DLGAP4: variants seen among roughly 807,000 people sequenced by gnomAD.
DLGAP4 encodes disks large-associated protein 4.
DLGAP4 carries 18 observed loss-of-function variants against 86.9 expected under a neutral mutation model. The ratio of observed to expected loss-of-function variants is 0.21; its 90% confidence interval spans 0.14 to 0.31. The LOEUF (loss-of-function observed/expected upper bound fraction) is 0.31, where lower values mean the gene tolerates loss of function less well. Among genes scored for constraint, DLGAP4 ranks in the 10% least tolerant of loss-of-function variants. The pLI, the probability that DLGAP4 is intolerant of heterozygous loss-of-function variation, is 1.00. For synonymous variants in DLGAP4, 548 were observed against 574.3 expected, an observed-to-expected ratio of 0.95 and a Z score of 0.65; for missense variants, 1,085 against 1,362.6, an observed-to-expected ratio of 0.80 and a Z score of 3.21.
At chr20:36,488,637 G>A (rs1363142028) in intron 7 of DLGAP4, among the ~76,000 whole-genome samples, 1 of 151,598 alleles carries the variant, frequency 6.6e-6, no homozygotes, top group Non-Finnish European at 1.5e-5. Flanking sequence ...GTGTGCAGTG[G>A]TGCAATCTTG....
At chr20:36,526,109 T>C (rs2037741016) in intron 12 of DLGAP4, 103 bp downstream of exon 12, 1 of 1,554,292 alleles carries the variant, frequency 6.4e-7, no homozygotes, top group Admixed American at 1.7e-5. Flanking sequence ...TCTCCGTGTG[T>C]CGTCTTTGAG....
chr20:36,526,210 G>A (rs898264850), intron 12 of DLGAP4: 1 of 700,302 alleles, frequency 1.4e-6, no homozygotes, highest in African/African-American at 1.8e-5. Context: ...TGCCCCTGAA[G>A]CATGTGTCCT....
chr20:36,446,637 C>T (rs2147577764), intron 6 of DLGAP4, 60 bp from the exon 7 acceptor site: 1 of 1,515,804 alleles, frequency 6.6e-7, no homozygotes, highest in Non-Finnish European at 8.9e-7. Context: ...CCACCAAGAA[C>T]CGCTCCCCCC....
Position 36,431,656 on chromosome 20 carries a change from G to T in DLGAP4, c.-62G>T, listed in dbSNP as rs2033132820. The T allele has an allele frequency of 2.7e-6, 4 of 1,505,034 alleles. No homozygotes were observed. The highest frequency in any genetic ancestry group is 1.4e-5 in the African/African-American group (1 of 71,262). The allele number at this position is 1,505,034 out of a possible 1,614,324, so 93.2% of individuals were successfully genotyped here. ...GTCTTCTCTCCCTAGGATAGCTGCC[G>T]CCCGGGAGAGGTGACCCGGGCGCCC... is the stretch of plus-strand genomic sequence containing the variant. On this transcript the variant is annotated 5_prime_UTR_variant, in exon 3 of 13. Coordinates refer to ENST00000339266, the MANE Select transcript of DLGAP4 (RefSeq NM_001365621.2). The surrounding 1 kb of genome is among the most constrained non-coding windows in gnomAD (Gnocchi z 5.1).
intron 7 of DLGAP4, among the ~76,000 whole-genome samples, chr20:36,454,587 C>T (rs1459185951): frequency 6.6e-6 from 1 of 152,208 alleles, no homozygotes; most frequent in African/African-American, 2.4e-5. Context: ...GTCACCCCTG[C>T]TCAGAAGGCT....
intron 7 of DLGAP4, among the ~76,000 whole-genome samples, chr20:36,472,533 A>T (rs2034716760): frequency 6.6e-6 from 1 of 150,550 alleles, no homozygotes; most frequent in South Asian, 2.1e-4. Flanking sequence ...TCACTAGCTT[A>T]GTTCCTCCCT....
At chr20:36,389,844 A>G (rs557173871) in intron 2 of DLGAP4, among the ~76,000 whole-genome samples, 4 of 152,350 alleles carry the variant, frequency 2.6e-5, no homozygotes, top group Non-Finnish European at 5.9e-5. Context: ...AGGTGTGTGC[A>G]GAGTATCCAT....
chr20:36,439,942 C>T (rs568822083), intron 5 of DLGAP4, 74 bp downstream of exon 5: 2 of 1,322,530 alleles, frequency 1.5e-6, no homozygotes, highest in African/African-American at 1.5e-5. Context: ...GACACACGCC[C>T]AGGCCCAGCC....
Position 36,496,712 on chromosome 20 carries a change from A to G in DLGAP4, c.1656A>G (p.Ser552=). ...TCTCTCATCCATCTGCAGGTTCATCATGCCTAGTGGCGTATAAGAAGACCC... is the reference window on the plus strand; with the variant it reads ...TCTCTCATCCATCTGCAGGTTCATCGTGCCTAGTGGCGTATAAGAAGACCC... The part of the protein sequence containing the change: ...LSNSRTLPSS[S]CLVAYKKTPP... The change falls in exon 8 of 13, where the codon TCA becomes TCG. Residue 552 remains serine (S), a synonymous_variant. Coordinates refer to ENST00000339266, the MANE Select transcript of DLGAP4 (RefSeq NM_001365621.2). 1.3e-6 allele frequency: 2 copies of G among 1,599,868 alleles called. No homozygotes were observed. The highest frequency in any genetic ancestry group is 1.7e-6 in the Non-Finnish European group (2 of 1,168,224).
At chr20:36,524,449 C>T (rs1055217316) in intron 11 of DLGAP4, 108 bp downstream of exon 11, 95 of 893,012 alleles carry the variant, frequency 1.1e-4, no homozygotes, top group Middle Eastern at 3.2e-4. Flanking sequence ...ACACACACAG[C>T]GCGGCTTCCT....
rs992694600 is a variant in DLGAP4, at chr20:36,500,354, C to T, written c.2255C>T (p.Ala752Val). The change falls in exon 10 of 13, where the codon GCC becomes GTC. Residue 752 changes from alanine to valine, a missense_variant. By Grantham distance (64) the Ala-to-Val change is moderately conservative. This residue lies in a region of DLGAP4 where 1,082 missense variants were observed against 1,344.1 expected (regional missense o/e 0.81). Coordinates refer to ENST00000339266, the MANE Select transcript of DLGAP4 (RefSeq NM_001365621.2). The surrounding 1 kb of genome is among the most constrained non-coding windows in gnomAD (Gnocchi z 4.6). ...SISIDAGPRQAPKIAQIKRNL... is the reference protein window; with the variant it reads ...SISIDAGPRQVPKIAQIKRNL... ...AGCATCGATGCCGGTCCCCGGCAGGCCCCCAAGATTGCCCAGATCAAGCGC... is the reference window on the plus strand; with the variant it reads ...AGCATCGATGCCGGTCCCCGGCAGGTCCCCAAGATTGCCCAGATCAAGCGC... The T allele has an allele frequency of 8.1e-6, 13 of 1,612,774 alleles. No individual in the cohort carries two copies. The South Asian group carries it at 1.2e-4, about 15-fold the overall frequency.
intron 1 of DLGAP4, among the ~76,000 whole-genome samples, chr20:36,364,576 A>T (rs1227219853): frequency 6.6e-6 from 1 of 152,144 alleles, no homozygotes; most frequent in East Asian, 1.9e-4. Context: ...CTGTCCCCAC[A>T]CTGGGAAGCC....
At chr20:36,520,255 TTATA>T (rs370414314) in intron 10 of DLGAP4, among the ~76,000 whole-genome samples, 8 of 151,972 alleles carry the variant, frequency 5.3e-5, no homozygotes, top group Non-Finnish European at 8.8e-5. Flanking sequence ...TAGGGAATTC[TTATA>T]TATATATATT....
intron 10 of DLGAP4, among the ~76,000 whole-genome samples, chr20:36,512,073 G>A (rs6014446): frequency 7.6e-6 from 1 of 131,680 alleles, no homozygotes; most frequent in Admixed American, 7.8e-5. Context: ...TTTTTTGAGA[G>A]AGAGTCTTGC....
intron 11 of DLGAP4, chr20:36,525,533 T>C: frequency 2.4e-6 from 1 of 410,214 alleles, no homozygotes; most frequent in Non-Finnish European, 4.5e-6. Context: ...TCGGTGTCAC[T>C]GTCACACCAT....
At chr20:36,423,976 G>A (rs750100692) in intron 2 of DLGAP4, among the ~76,000 whole-genome samples, 1 of 151,826 alleles carries the variant, frequency 6.6e-6, no homozygotes, top group African/African-American at 2.4e-5. Context: ...AACCGAAAAC[G>A]GATCATTATC....
chr20:36,452,066 T>C (rs1308341733), intron 7 of DLGAP4, among the ~76,000 whole-genome samples: 1 of 152,208 alleles, frequency 6.6e-6, no homozygotes, highest in African/African-American at 2.4e-5. Context: ...AACGAGGCTG[T>C]ATCTTAATTT....
chr20:36,359,448 C>T (rs1479120689), intron 1 of DLGAP4, among the ~76,000 whole-genome samples: 2 of 152,178 alleles, frequency 1.3e-5, no homozygotes, highest in Admixed American at 6.5e-5. Flanking sequence ...CTTGAAAATC[C>T]GTGCCCATGT....
chr20:36,469,858 G>A lies in DLGAP4; in HGVS notation c.1648+22921G>A, dbSNP rs1486088501. ...AGAAGGCCATCTGCTCCTTCTCCCT[G>A]GGGGAACGTTGCCCAAGGGCTGCTT... On this transcript the variant is annotated intron_variant, in intron 7 of 12. Coordinates refer to ENST00000339266, the MANE Select transcript of DLGAP4 (RefSeq NM_001365621.2). Among the ~76,000 whole-genome samples the A allele has an allele frequency of 3.3e-5, 5 of 152,044 alleles. No homozygotes were observed. The South Asian group carries it at 6.2e-4, about 19-fold the overall frequency.
Sources: allele counts gnomAD v4.1 joint callset (sites outside exome capture counted in the v4.1 genomes callset), GRCh38; gene constraint gnomAD v4.1.1; regional missense constraint gnomAD v4.1.1; non-coding constraint Gnocchi (gnomAD v3.1); transcripts MANE v1.5; gene names NCBI Gene and HGNC (gene_info 2026-07-23, HGNC 2026-07-21).